The following RAP1GAP2 variants were observed in gnomAD, a reference collection of about 807,000 sequenced individuals.
RAP1GAP2 encodes the protein RAP1 GTPase activating protein 2, also known as rap1 GTPase-activating protein 2.
In RAP1GAP2, 27 loss-of-function variants were observed where a neutral mutation model predicts 95.0. The observed-to-expected ratio is 0.28, with a 90% CI of 0.21 to 0.39. The LOEUF is 0.39. Ranked by LOEUF, RAP1GAP2 falls within the 10% of genes least tolerant of loss-of-function variation. The pLI is 1.00. For missense variants in RAP1GAP2, 771 were observed against 970.0 expected, an observed-to-expected ratio of 0.79 and a Z score of 2.72; for synonymous variants, 373 against 380.9, an observed-to-expected ratio of 0.98 and a Z score of 0.24.
At position 3,037,480 on chromosome 17, in the gene RAP1GAP2, T is replaced by C. The variant is rs2151693234; in HGVS notation, c.*4119T>C. 6.6e-6 allele frequency: 1 copy of C among 150,666 alleles called. No homozygotes were observed. The highest frequency in any genetic ancestry group is 1.5e-5 in the Non-Finnish European group (1 of 67,652). 9.3% of individuals were successfully genotyped at this position (150,666 alleles called of 1,614,324 possible). A position where few individuals can be genotyped will look rare whatever the true frequency, so the allele number is the denominator to read the frequency against. ...TGGCGTGTGAATGTGCAGATTCCCC[T>C]GTGTGGTCGAACCTAAGAACTGTGG... On this transcript the variant is annotated 3_prime_UTR_variant, in exon 25 of 25. Transcript: ENST00000254695.
At chr17:3,015,200 G>A (rs2046716101) in intron 17 of RAP1GAP2, among the ~76,000 whole-genome samples, 1 of 106,314 alleles carries the variant, frequency 9.4e-6, no homozygotes, top group South Asian at 2.9e-4. Context: ...CCTGTTCTAT[G>A]GTATAGAGAG....
At chr17:2,961,541 A>AC (rs2044325775) in intron 4 of RAP1GAP2, among the ~76,000 whole-genome samples, 1 of 151,520 alleles carries the variant, frequency 6.6e-6, no homozygotes, top group Admixed American at 6.6e-5. Flanking sequence ...AAACAAACAA[A>AC]ACTGTTGGAC....
In RAP1GAP2 at chr17:3,005,453, TC is replaced by T. The variant is rs1328824397; in HGVS notation, c.1272+15del. 1 of 1,606,034 alleles carries T rather than the reference TC, an allele frequency of 6.2e-7. No individual in the cohort carries two copies. The highest frequency in any genetic ancestry group is 8.5e-7 in the Non-Finnish European group (1 of 1,172,652). On this transcript the variant is annotated intron_variant, in intron 15 of 24. Transcript: ENST00000254695. The surrounding 1 kb of genome is among the most constrained non-coding windows in gnomAD (Gnocchi z 5.2). The stretch of plus-strand genomic sequence containing the variant: ...CGTTTTCCAGAAGGTAGGACACTCT[TC>T]CTTCTGCCCCTCTCGCATCCACGAT...
At chr17:2,933,940 C>T (rs770368078) in intron 3 of RAP1GAP2, among the ~76,000 whole-genome samples, 1 of 152,234 alleles carries the variant, frequency 6.6e-6, no homozygotes, top group East Asian at 1.9e-4. Context: ...GTGGGCAGCT[C>T]GGAAGCAGGA....
chr17:2,850,162 G>A (rs902583728), intron 2 of RAP1GAP2, among the ~76,000 whole-genome samples: 33 of 151,412 alleles, frequency 2.2e-4, no homozygotes, highest in African/African-American at 6.5e-4. Context: ...CACCACGCCC[G>A]GCTAATTTTT....
intron 1 of RAP1GAP2, among the ~76,000 whole-genome samples, chr17:2,764,627 A>G (rs990926810): frequency 1.3e-5 from 2 of 152,156 alleles, no homozygotes; most frequent in South Asian, 4.1e-4. Context: ...AGGCTGAGGC[A>G]GGAGAATTGC....
intron 1 of RAP1GAP2, among the ~76,000 whole-genome samples, chr17:2,766,104 G>C (rs1311973129): frequency 6.6e-6 from 1 of 152,240 alleles, no homozygotes; most frequent in Non-Finnish European, 1.5e-5. Context: ...CAGATGCTGT[G>C]GTTGGGCGGC....
intron 2 of RAP1GAP2, among the ~76,000 whole-genome samples, chr17:2,853,581 T>C (rs1214852835): frequency 1.3e-5 from 2 of 148,254 alleles, no homozygotes; most frequent in Non-Finnish European, 3.0e-5. Flanking sequence ...GGGAGCGCTG[T>C]CCGCCTCCTC....
In RAP1GAP2 at chr17:2,906,073, C is replaced by A. The variant is rs990739749; in HGVS notation, c.165+705C>A. On this transcript the variant is annotated intron_variant, in intron 3 of 24. Transcript: ENST00000254695. This position sits in a 1 kb window ranked among gnomAD's most constrained non-coding sequence, Gnocchi z 4.3. ...CAGCCAGTGTTTCTGCATAGGCTGG[C>A]ATGCACGCTCTCCCTCCCTCCCTCC... 6.6e-6 allele frequency among the ~76,000 whole-genome samples: 1 copy of A among 152,180 alleles called. No individual in the cohort carries two copies. The highest frequency in any genetic ancestry group is 1.5e-5 in the Non-Finnish European group (1 of 68,020).
intron 5 of RAP1GAP2, 86 bp downstream of exon 5, chr17:2,962,800 G>A: frequency 7.7e-7 from 1 of 1,292,642 alleles, no homozygotes; most frequent in South Asian, 1.4e-5. Context: ...CCGGGATGCT[G>A]GGGTCTTCTG....
At chr17:2,898,718 C>T (rs1168889502) in intron 2 of RAP1GAP2, among the ~76,000 whole-genome samples, 1 of 152,228 alleles carries the variant, frequency 6.6e-6, no homozygotes, top group Non-Finnish European at 1.5e-5. Context: ...CCTCCTCCTC[C>T]GTGCCCATTC....
chr17:2,867,188 C>T lies in RAP1GAP2; in HGVS notation c.81-38096C>T, dbSNP rs2072650735. On this transcript the variant is annotated intron_variant, in intron 2 of 24. Coordinates refer to ENST00000254695, the MANE Select transcript of RAP1GAP2 (RefSeq NM_015085.5). This position sits in a 1 kb window ranked among gnomAD's most constrained non-coding sequence, Gnocchi z 4.5. ...GTGCTGGGATTACAGGTGTGAGCCACCGTGCCTGGCCTCTGATTGGTCATT... is the reference window on the plus strand; with the variant it reads ...GTGCTGGGATTACAGGTGTGAGCCATCGTGCCTGGCCTCTGATTGGTCATT... Among the ~76,000 whole-genome samples the T allele has an allele frequency of 6.6e-6, 1 of 152,220 alleles. No individual in the cohort carries two copies. Among genetic ancestry groups the T allele is most frequent in the Non-Finnish European group, 1.5e-5 (1 of 68,044 alleles).
Position 2,880,321 on chromosome 17 carries a change from G to A in RAP1GAP2, c.81-24963G>A, listed in dbSNP as rs1434791412. Among the ~76,000 whole-genome samples, 3 of 151,756 alleles carry A rather than the reference G, an allele frequency of 2.0e-5. No individual in the cohort carries two copies. The East Asian group carries it at 5.8e-4, about 30-fold the overall frequency. On this transcript the variant is annotated intron_variant, in intron 2 of 24. Transcript: ENST00000254695. The stretch of plus-strand genomic sequence containing the variant: ...GGGCAGGTGTGGAGAGGAAGTGAGA[G>A]GGGTGGGAGATGAGGCTGGGTGGGG...
chr17:2,929,009 C>T (rs1278287132), intron 3 of RAP1GAP2, among the ~76,000 whole-genome samples: 3 of 152,036 alleles, frequency 2.0e-5, no homozygotes, highest in African/African-American at 4.8e-5. Flanking sequence ...CGAGGCAGGA[C>T]AATTGTTTGA....
At chr17:2,909,323 C>T (rs189195454) in intron 3 of RAP1GAP2, among the ~76,000 whole-genome samples, 2 of 152,008 alleles carry the variant, frequency 1.3e-5, no homozygotes, top group African/African-American at 2.4e-5. Flanking sequence ...CTGGGCTCCG[C>T]GGCCTGGCAG....
At chr17:2,976,544 T>C (rs949355657) in intron 8 of RAP1GAP2, among the ~76,000 whole-genome samples, 5 of 152,142 alleles carry the variant, frequency 3.3e-5, no homozygotes, top group Admixed American at 1.3e-4. Context: ...TTGTGTGGGC[T>C]GCAGTTGAAG....
At chr17:2,812,571 C>T (rs764273837) in intron 2 of RAP1GAP2, among the ~76,000 whole-genome samples, 1 of 151,960 alleles carries the variant, frequency 6.6e-6, no homozygotes, top group Non-Finnish European at 1.5e-5. Context: ...GACCCCCAGC[C>T]CCCATCTGGT....
chr17:3,020,804 T>A (rs932404036), intron 19 of RAP1GAP2, among the ~76,000 whole-genome samples: 1 of 152,196 alleles, frequency 6.6e-6, no homozygotes, highest in Non-Finnish European at 1.5e-5. Context: ...CCTGGGACCT[T>A]CCAGAGTTAC....
At chr17:2,874,489 AAG>A (rs142974069) in intron 2 of RAP1GAP2, among the ~76,000 whole-genome samples, 4,296 of 152,254 alleles carry the variant, frequency 0.028, 227 homozygotes, top group African/African-American at 0.097. Flanking sequence ...CCTATCTACA[AAG>A]AGCATTTCTG....
Sources: allele counts gnomAD v4.1 joint callset (sites outside exome capture counted in the v4.1 genomes callset), GRCh38; gene constraint gnomAD v4.1.1; non-coding constraint Gnocchi (gnomAD v3.1); transcripts MANE v1.5; gene names NCBI Gene and HGNC (gene_info 2026-07-23, HGNC 2026-07-21).